ATRNL1: variants seen among roughly 807,000 people sequenced by gnomAD.
ATRNL1 encodes the protein attractin-like protein 1.
Under a neutral mutation model 182.7 loss-of-function variants are expected in ATRNL1, and 95 were observed. That is an observed-to-expected ratio of 0.52 (90% CI 0.44 to 0.62). The LOEUF is 0.62. ATRNL1 is among the 20% of genes least tolerant of loss of function. ATRNL1 has a pLI of 0.00. For missense variants in ATRNL1, 1,471 were observed against 1,679.5 expected, an observed-to-expected ratio of 0.88 and a Z score of 2.17; for synonymous variants, 576 against 568.3, an observed-to-expected ratio of 1.01 and a Z score of -0.19.
chr10:115,795,293 T>C (rs964284709), intron 27 of ATRNL1, among the ~76,000 whole-genome samples: 5 of 152,204 alleles, frequency 3.3e-5, no homozygotes, highest in Admixed American at 6.5e-5. Flanking sequence ...TTTATATAAA[T>C]GGCTAAAATT....
intron 27 of ATRNL1, among the ~76,000 whole-genome samples, chr10:115,763,721 C>T (rs1948788606): frequency 6.6e-6 from 1 of 152,064 alleles, no homozygotes; most frequent in Non-Finnish European, 1.5e-5. Context: ...TGTTTGTATA[C>T]ACACATATCC....
intron 25 of ATRNL1, among the ~76,000 whole-genome samples, chr10:115,523,432 T>C (rs1440316673): frequency 6.6e-6 from 1 of 152,142 alleles, no homozygotes; most frequent in Admixed American, 6.5e-5. Flanking sequence ...AGCACTCTTC[T>C]GAAAACACTC....
chr10:115,347,535 T>C (rs1190987491), intron 19 of ATRNL1, among the ~76,000 whole-genome samples: 1 of 152,108 alleles, frequency 6.6e-6, no homozygotes, highest in Non-Finnish European at 1.5e-5. Context: ...TTTTTAAAAC[T>C]AGTAAATATA....
At chr10:115,322,488 A>T (rs1854634356) in intron 18 of ATRNL1, among the ~76,000 whole-genome samples, 1 of 152,066 alleles carries the variant, frequency 6.6e-6, no homozygotes, top group African/African-American at 2.4e-5. Flanking sequence ...TAATACCATT[A>T]TATACATATA....
At chr10:115,140,936 G>T (rs1438179593) in intron 5 of ATRNL1, among the ~76,000 whole-genome samples, 1 of 152,008 alleles carries the variant, frequency 6.6e-6, no homozygotes, top group East Asian at 1.9e-4. Flanking sequence ...TAATTCCAAA[G>T]TTCTTCCTAG....
At chr10:115,236,342 A>G (rs1850178534) in intron 9 of ATRNL1, among the ~76,000 whole-genome samples, 1 of 152,200 alleles carries the variant, frequency 6.6e-6, no homozygotes, top group Admixed American at 6.5e-5. Flanking sequence ...CTGTCTGTCT[A>G]AATTGCATAA....
At chr10:115,931,492 A>G (rs1209772512) in intron 28 of ATRNL1, among the ~76,000 whole-genome samples, 1 of 152,164 alleles carries the variant, frequency 6.6e-6, no homozygotes, top group Non-Finnish European at 1.5e-5. Flanking sequence ...CCTTGCCCAG[A>G]CCTCAGAGGA....
intron 26 of ATRNL1, among the ~76,000 whole-genome samples, chr10:115,626,913 T>C (rs975980684): frequency 3.9e-5 from 6 of 152,200 alleles, no homozygotes; most frequent in Admixed American, 3.3e-4. Flanking sequence ...TCAGCACATA[T>C]GTATTTCTAT....
intron 25 of ATRNL1, among the ~76,000 whole-genome samples, chr10:115,539,292 C>T (rs1852218824): frequency 6.6e-6 from 1 of 152,028 alleles, no homozygotes; most frequent in Admixed American, 6.5e-5. Flanking sequence ...TTTTGAAATG[C>T]TTTTGCAACT....
At chr10:115,447,744 A>G (rs1847073333) in intron 21 of ATRNL1, among the ~76,000 whole-genome samples, 1 of 151,854 alleles carries the variant, frequency 6.6e-6, no homozygotes, top group Non-Finnish European at 1.5e-5. Flanking sequence ...TAAAATCCTT[A>G]CACATTTCTA....
chr10:115,594,455 T>C (rs1856105115), intron 26 of ATRNL1, among the ~76,000 whole-genome samples: 1 of 152,164 alleles, frequency 6.6e-6, no homozygotes, highest in South Asian at 2.1e-4. Context: ...AATTTGCATA[T>C]CCTAATGAGG....
At chr10:115,237,708 G>A (rs186648010) in intron 9 of ATRNL1, among the ~76,000 whole-genome samples, 5 of 152,198 alleles carry the variant, frequency 3.3e-5, no homozygotes, top group Admixed American at 2.0e-4. Flanking sequence ...CTTTCACTGA[G>A]GAGAGGTTTT....
chr10:115,702,730 C>G (rs1282990216), intron 26 of ATRNL1, among the ~76,000 whole-genome samples: 1 of 151,898 alleles, frequency 6.6e-6, no homozygotes, highest in Non-Finnish European at 1.5e-5. Flanking sequence ...ATCCATCTAA[C>G]CAAGGAGGTG....
chr10:115,098,862 A>T (rs111385199), intron 1 of ATRNL1, among the ~76,000 whole-genome samples: 1 of 152,196 alleles, frequency 6.6e-6, no homozygotes, highest in Admixed American at 6.5e-5. Flanking sequence ...ATTGTCAAAA[A>T]TGAGGTGTTT....
At chr10:115,324,365 G>T (rs1220383129) in intron 18 of ATRNL1, among the ~76,000 whole-genome samples, 1 of 152,126 alleles carries the variant, frequency 6.6e-6, no homozygotes, top group Non-Finnish European at 1.5e-5. Context: ...GATAGAGACT[G>T]TCCTGCAAAG....
chr10:115,790,255 A>G lies in ATRNL1; in HGVS notation c.3904-57622A>G, dbSNP rs1468740887. 6.0e-5 allele frequency among the ~76,000 whole-genome samples: 4 copies of G among 66,324 alleles called. No individual in the cohort carries two copies. The East Asian group carries it at 2.1e-3, about 35-fold the overall frequency. The allele number at this position is 66,324 out of a possible 152,430, so 43.5% of individuals were successfully genotyped here. A position where few individuals can be genotyped will look rare whatever the true frequency, so the allele number is the denominator to read the frequency against. On this transcript the variant is annotated intron_variant, in intron 27 of 28. Coordinates refer to ENST00000355044, the MANE Select transcript of ATRNL1 (RefSeq NM_207303.4). The stretch of plus-strand genomic sequence containing the variant: ...CCAAAGCAGCCTTGTTAGTTTAAAA[A>G]GAAAAAAAAAAAAAAACTCTTATTA...
chr10:115,221,592 C>T (rs1279911862), intron 9 of ATRNL1, among the ~76,000 whole-genome samples: 2 of 151,796 alleles, frequency 1.3e-5, no homozygotes, highest in African/African-American at 4.8e-5. Flanking sequence ...TCAAGGGATA[C>T]AAGACAGGCA....
At chr10:115,923,334 T>C (rs111513125) in intron 28 of ATRNL1, among the ~76,000 whole-genome samples, 1,700 of 152,284 alleles carry the variant, frequency 0.011, 26 homozygotes, top group African/African-American at 0.034. Flanking sequence ...AATGTACAGG[T>C]TTATTACATA....
At chr10:115,313,075 C>T (rs1320865428) in intron 17 of ATRNL1, among the ~76,000 whole-genome samples, 1 of 151,728 alleles carries the variant, frequency 6.6e-6, no homozygotes, top group Non-Finnish European at 1.5e-5. Context: ...TCACTTTTCT[C>T]TTTTATCTCC....
Sources: gnomAD v4.1 joint callset for allele counts (sites outside exome capture counted in the v4.1 genomes callset) on GRCh38, gnomAD v4.1.1 for gene constraint, MANE v1.5 for transcripts, NCBI Gene and HGNC (gene_info 2026-07-23, HGNC 2026-07-21) for gene names.